The following TNFSF13B variants were observed in gnomAD, a reference collection of about 807,000 sequenced individuals.
TNFSF13B encodes tumor necrosis factor ligand superfamily member 13B.
Under a neutral mutation model 29.1 loss-of-function variants are expected in TNFSF13B, and 8 were observed. That is an observed-to-expected ratio of 0.27 (90% CI 0.16 to 0.50). The LOEUF (loss-of-function observed/expected upper bound fraction) is 0.50. Among genes scored for constraint, TNFSF13B ranks in the 20% least tolerant of loss-of-function variants. The probability of loss-of-function intolerance (pLI) is 0.98; values close to 1 mark genes in which losing one functional copy is unlikely to be tolerated. For missense variants in TNFSF13B, 248 were observed against 334.9 expected (o/e 0.74, Z 2.03); for synonymous variants, 125 against 130.8 (o/e 0.96, Z 0.30).
intron 3 of TNFSF13B, chr13:108,302,801 C>T: frequency 1.0e-6 from 1 of 985,894 alleles, no homozygotes; most frequent in Non-Finnish European, 1.2e-6. Flanking sequence ...CACATTTGGG[C>T]CAAGGAATGG....
intron 2 of TNFSF13B, among the ~76,000 whole-genome samples, chr13:108,278,086 T>C (rs1880808228): frequency 1.3e-5 from 2 of 152,204 alleles, no homozygotes; most frequent in African/African-American, 4.8e-5. Flanking sequence ...TGACAACTAA[T>C]TGATAGGAGA....
At chr13:108,278,579 T>TC (rs1880824850) in intron 2 of TNFSF13B, among the ~76,000 whole-genome samples, 1 of 110,660 alleles carries the variant, frequency 9.0e-6, no homozygotes, top group Non-Finnish European at 2.0e-5. Flanking sequence ...CCCCCTCCTC[T>TC]CCTCCTCCTC....
At chr13:108,304,367 G>T (rs2139071540) in intron 5 of TNFSF13B, among the ~76,000 whole-genome samples, 2 of 152,314 alleles carry the variant, frequency 1.3e-5, no homozygotes, top group African/African-American at 4.8e-5. Context: ...CAATTCAGAT[G>T]ACATCTTGTG....
intron 5 of TNFSF13B, 36 bp from the exon 6 acceptor site, chr13:108,306,789 TA>T: frequency 8.2e-7 from 1 of 1,214,384 alleles, no homozygotes; most frequent in Non-Finnish European, 1.2e-6. Flanking sequence ...TTCTGTTGTA[TA>T]ACCACTTATA....
chr13:108,274,343 A>G (rs192038994), intron 2 of TNFSF13B, among the ~76,000 whole-genome samples: 91 of 129,354 alleles, frequency 7.0e-4, no homozygotes, highest in African/African-American at 2.3e-3. Flanking sequence ...ATACAAATAT[A>G]TGTACAAATA....
chr13:108,278,818 C>T (rs1880850297), intron 2 of TNFSF13B, among the ~76,000 whole-genome samples: 1 of 151,812 alleles, frequency 6.6e-6, no homozygotes, highest in Admixed American at 6.6e-5. Context: ...TATGAAGTCT[C>T]ACTTTCAGGC....
intron 2 of TNFSF13B, among the ~76,000 whole-genome samples, chr13:108,272,240 C>G (rs1051285796): frequency 6.6e-6 from 1 of 152,032 alleles, no homozygotes; most frequent in African/African-American, 2.4e-5. Context: ...CTCCACTTGT[C>G]TGTCCCATGT....
At chr13:108,290,256 A>G (rs1256546776) in intron 3 of TNFSF13B, among the ~76,000 whole-genome samples, 5 of 152,278 alleles carry the variant, frequency 3.3e-5, no homozygotes, top group Admixed American at 3.3e-4. Context: ...ATAGTATTCC[A>G]TTGTATGAAT....
chr13:108,304,150 G>A (rs777207096), intron 5 of TNFSF13B, among the ~76,000 whole-genome samples: 10 of 152,308 alleles, frequency 6.6e-5, no homozygotes, highest in Non-Finnish European at 1.2e-4. Flanking sequence ...GCTCCGCACC[G>A]GGAGCAACCA....
rs529174649 is a variant in TNFSF13B, at chr13:108,284,147, A to G, written c.425-2656A>G. Among the ~76,000 whole-genome samples the G allele has an allele frequency of 3.3e-5, 5 of 152,178 alleles. No individual in the cohort carries two copies. In the South Asian group the frequency reaches 8.3e-4, roughly 25 times the overall value. On this transcript the variant is annotated intron_variant, in intron 2 of 5. Transcript: ENST00000375887. ...GATCGAGACCATCCTGGCTAACACG[A>G]TGAAAGCCCGTCTCTATTAAAAATA...
Position 108,307,292 on chromosome 13 carries a change from G to A in TNFSF13B, c.*354G>A, listed in dbSNP as rs1881807383. ...AGGGGCAGTAAGGATTTTGTAAAAC[G>A]TGGCATCCATAATTTACTATGGAGC... On this transcript the variant is annotated 3_prime_UTR_variant, in exon 6 of 6. Transcript: ENST00000375887. 1 of 177,526 alleles carries A rather than the reference G, an allele frequency of 5.6e-6. No individual in the cohort carries two copies. Among genetic ancestry groups the A allele is most frequent in the South Asian group, 1.2e-4 (1 of 8,114 alleles). The allele number at this position is 177,526 out of a possible 1,614,324, so 11.0% of individuals were successfully genotyped here. A position where few individuals can be genotyped will look rare whatever the true frequency, so the allele number is the denominator to read the frequency against.
intron 2 of TNFSF13B, among the ~76,000 whole-genome samples, chr13:108,282,072 T>C (rs1880973634): frequency 6.6e-6 from 1 of 152,208 alleles, no homozygotes; most frequent in Non-Finnish European, 1.5e-5. Context: ...ATCCTCCTTC[T>C]TTAAAAACAT....
At position 108,294,937 on chromosome 13, in the gene TNFSF13B, T is replaced by A. The variant is rs576477939; in HGVS notation, c.481+8078T>A. ...TTTATTTTTGAGTCAGTTTTGGTAG[T>A]TTGTGTGTTTCTAGGAATTTGTCCC... On this transcript the variant is annotated intron_variant, in intron 3 of 5. Coordinates refer to ENST00000375887, the MANE Select transcript of TNFSF13B (RefSeq NM_006573.5). Among the ~76,000 whole-genome samples the A allele has an allele frequency of 1.1e-4, 16 of 145,258 alleles. 1 individual carries two copies. The highest frequency in any genetic ancestry group is 1.1e-3 in the Admixed American group (16 of 14,714).
chr13:108,301,777 A>G (rs1259743887), intron 3 of TNFSF13B, among the ~76,000 whole-genome samples: 2 of 152,154 alleles, frequency 1.3e-5, no homozygotes, highest in Non-Finnish European at 2.9e-5. Context: ...ATGCTAAATG[A>G]GTAGATATTG....
intron 2 of TNFSF13B, among the ~76,000 whole-genome samples, chr13:108,272,764 C>T (rs1439544022): frequency 6.6e-6 from 1 of 151,804 alleles, no homozygotes; most frequent in African/African-American, 2.4e-5. Flanking sequence ...GCTTCAATAA[C>T]TAGTAGGGTC....
chr13:108,271,990 G>T (rs1294644386), intron 2 of TNFSF13B, among the ~76,000 whole-genome samples: 1 of 152,092 alleles, frequency 6.6e-6, no homozygotes, highest in Non-Finnish European at 1.5e-5. Context: ...CATCACCCTT[G>T]CTTCCGACTG....
chr13:108,275,888 G>T (rs1207968055), intron 2 of TNFSF13B, among the ~76,000 whole-genome samples: 2 of 152,106 alleles, frequency 1.3e-5, no homozygotes, highest in African/African-American at 4.8e-5. Flanking sequence ...ATATCACATT[G>T]TATTTAACAT....
At chr13:108,301,013 G>T (rs1389284824) in intron 3 of TNFSF13B, among the ~76,000 whole-genome samples, 2 of 152,048 alleles carry the variant, frequency 1.3e-5, no homozygotes, top group Non-Finnish European at 2.9e-5. Flanking sequence ...AATTTGCTTG[G>T]TTATCACCTA....
chr13:108,282,875 T>G (rs993965269), intron 2 of TNFSF13B, among the ~76,000 whole-genome samples: 2 of 152,310 alleles, frequency 1.3e-5, no homozygotes, highest in South Asian at 4.1e-4. Context: ...AAAAAAACTA[T>G]TCTTAACCTC....
Sources: allele counts gnomAD v4.1 joint callset (sites outside exome capture counted in the v4.1 genomes callset), GRCh38; gene constraint gnomAD v4.1.1; transcripts MANE v1.5; gene names NCBI Gene and HGNC (gene_info 2026-07-23, HGNC 2026-07-21).